The following CDH18 variants were observed in gnomAD, a reference collection of about 807,000 sequenced individuals.
CDH18 encodes the protein cadherin-18.
Under a neutral mutation model 67.9 loss-of-function variants are expected in CDH18, and 31 were observed. The ratio of observed to expected loss-of-function variants is 0.46; its 90% CI spans 0.34 to 0.62. The LOEUF is 0.62. CDH18 is among the 20% of genes least tolerant of loss of function. The pLI, the probability that CDH18 is intolerant of heterozygous loss-of-function variation, is 0.01. For synonymous variants in CDH18, 362 were observed against 347.2 expected (o/e 1.04, Z -0.48); for missense variants, 890 against 975.5 (o/e 0.91, Z 1.17).
At chr5:20,483,619 A>C (rs1278711993) in intron 1 of CDH18, among the ~76,000 whole-genome samples, 2 of 151,532 alleles carry the variant, frequency 1.3e-5, no homozygotes, top group African/African-American at 2.4e-5. Flanking sequence ...ATAAATTCAT[A>C]CCTGTACAGT....
At chr5:20,034,827 A>C (rs1391712384) in intron 2 of CDH18, among the ~76,000 whole-genome samples, 1 of 152,018 alleles carries the variant, frequency 6.6e-6, no homozygotes. Flanking sequence ...GATAGAGATA[A>C]AGATTAGATA....
intron 2 of CDH18, among the ~76,000 whole-genome samples, chr5:19,896,601 T>C (rs747662998): frequency 6.6e-6 from 1 of 152,166 alleles, no homozygotes. Flanking sequence ...ACCTTGAATT[T>C]GGTTTAGTGA....
intron 7 of CDH18, among the ~76,000 whole-genome samples, chr5:19,589,927 A>G (rs1487356432): frequency 2.0e-5 from 3 of 152,116 alleles, no homozygotes; most frequent in African/African-American, 7.2e-5. Context: ...GCTGAATACC[A>G]GAAAGGATTA....
At chr5:20,027,670 G>A (rs1405634499) in intron 2 of CDH18, among the ~76,000 whole-genome samples, 1 of 152,174 alleles carries the variant, frequency 6.6e-6, no homozygotes, top group African/African-American at 2.4e-5. Context: ...CAGTAAGTTT[G>A]AGACTTTGTC....
chr5:19,788,840 T>C (rs1458211850), intron 3 of CDH18, among the ~76,000 whole-genome samples: 1 of 152,198 alleles, frequency 6.6e-6, no homozygotes, highest in Non-Finnish European at 1.5e-5. Flanking sequence ...AGGAATTGAT[T>C]TTTTAAATAG....
At position 19,839,298 on chromosome 5, in the gene CDH18, C is replaced by T. The variant is rs561851965; in HGVS notation, c.-256-56G>A. ...AAAACACGGTTTTTTTAACTATTTG[C>T]TCTGAATACAAATGATACTATTTTG... On this transcript the variant is annotated intron_variant, in intron 2 of 12. Transcript: ENST00000382275. 57 of 317,316 alleles carry T rather than the reference C, an allele frequency of 1.8e-4. 2 individuals are homozygous for T. In the South Asian group the frequency reaches 2.0e-3, roughly 11 times the overall value. The allele number at this position is 317,316 out of a possible 1,614,324, so 19.7% of individuals were successfully genotyped here. A position where few individuals can be genotyped will look rare whatever the true frequency, so the allele number is the denominator to read the frequency against.
intron 1 of CDH18, among the ~76,000 whole-genome samples, chr5:20,387,602 A>C (rs930425018): frequency 2.0e-5 from 3 of 151,868 alleles, no homozygotes; most frequent in Non-Finnish European, 4.4e-5. Context: ...TTCCAACACT[A>C]TGTTGAATAG....
intron 2 of CDH18, among the ~76,000 whole-genome samples, chr5:19,849,587 T>TATATATATAAACATATATATACACGC (rs1216944577): frequency 8.7e-6 from 1 of 115,576 alleles, no homozygotes; most frequent in Admixed American, 9.1e-5. Flanking sequence ...ATTTCAAACA[T>TATATATATAAACATATATATACACGC]ATATATATAA....
chr5:20,058,334 G>A (rs1036984739), intron 2 of CDH18, among the ~76,000 whole-genome samples: 3 of 151,904 alleles, frequency 2.0e-5, no homozygotes, highest in Non-Finnish European at 2.9e-5. Flanking sequence ...TATTATACCC[G>A]ACTTTACTAT....
intron 2 of CDH18, among the ~76,000 whole-genome samples, chr5:20,102,545 C>A (rs1214121817): frequency 6.6e-6 from 1 of 152,164 alleles, no homozygotes; most frequent in African/African-American, 2.4e-5. Flanking sequence ...GAACCTGTGT[C>A]AGACTCTTGC....
intron 3 of CDH18, among the ~76,000 whole-genome samples, chr5:19,776,138 A>C (rs1774340426): frequency 6.6e-6 from 1 of 152,208 alleles, no homozygotes; most frequent in Non-Finnish European, 1.5e-5. Flanking sequence ...GGAATAATAA[A>C]TATTAAGGGG....
rs187176723 is a variant in CDH18 at position 19,602,897 on chromosome 5, G to A, written c.811+9537C>T. On this transcript the variant is annotated intron_variant, in intron 6 of 12. Coordinates refer to ENST00000382275, the MANE Select transcript of CDH18 (RefSeq NM_004934.5). ...GAAGAATCCCTTGAATCCAGGAGGC[G>A]GAGGGTGCAGTGAGCCAAGATCGCA... Among the ~76,000 whole-genome samples the A allele has an allele frequency of 5.0e-3, 761 of 152,140 alleles. 2 individuals are homozygous for A. Among genetic ancestry groups the A allele is most frequent in the Non-Finnish European group, 7.3e-3 (493 of 67,992 alleles).
At chr5:20,489,480 T>C (rs1236706454) in intron 1 of CDH18, among the ~76,000 whole-genome samples, 2 of 152,098 alleles carry the variant, frequency 1.3e-5, no homozygotes, top group Non-Finnish European at 2.9e-5. Context: ...ATATCCTTCA[T>C]ACTTTTTTCT....
At chr5:20,189,468 C>G (rs775582481) in intron 2 of CDH18, among the ~76,000 whole-genome samples, 45 of 152,096 alleles carry the variant, frequency 3.0e-4, no homozygotes, top group Non-Finnish European at 3.8e-4. Flanking sequence ...ACTCATCACT[C>G]TAAGTGATTT....
chr5:20,441,082 G>A (rs900055854), intron 1 of CDH18, among the ~76,000 whole-genome samples: 1 of 151,712 alleles, frequency 6.6e-6, no homozygotes, highest in Non-Finnish European at 1.5e-5. Context: ...TGGATAATGG[G>A]AATCCTCTCC....
chr5:19,807,290 C>T (rs952898390), intron 3 of CDH18, among the ~76,000 whole-genome samples: 1 of 151,870 alleles, frequency 6.6e-6, no homozygotes, highest in Non-Finnish European at 1.5e-5. Context: ...ATGTAACAAA[C>T]CTGCAGATCC....
At chr5:19,564,753 G>C (rs1740055558) in intron 8 of CDH18, among the ~76,000 whole-genome samples, 1 of 152,124 alleles carries the variant, frequency 6.6e-6, no homozygotes, top group Non-Finnish European at 1.5e-5. Flanking sequence ...CATCAAGCAG[G>C]CTCCTGGGGT....
At chr5:20,537,981 A>C (rs1416378474) in intron 1 of CDH18, among the ~76,000 whole-genome samples, 1 of 152,174 alleles carries the variant, frequency 6.6e-6, no homozygotes, top group South Asian at 2.1e-4. Context: ...GCGTAGAATT[A>C]ATCTTCTCTT....
intron 2 of CDH18, among the ~76,000 whole-genome samples, chr5:20,041,824 A>C (rs900749780): frequency 1.3e-5 from 2 of 152,254 alleles, no homozygotes; most frequent in African/African-American, 4.8e-5. Context: ...TTACAGAGGA[A>C]AAGAAGCAGA....
Sources: gnomAD v4.1 joint callset for allele counts (sites outside exome capture counted in the v4.1 genomes callset) on GRCh38, gnomAD v4.1.1 for gene constraint, MANE v1.5 for transcripts, NCBI Gene and HGNC (gene_info 2026-07-23, HGNC 2026-07-21) for gene names.